The following DPYD variants were observed in gnomAD, a reference collection of about 807,000 sequenced individuals.
The protein encoded by DPYD is dihydropyrimidine dehydrogenase, also known as dihydropyrimidine dehydrogenase [NADP(+)].
A neutral mutation model predicts 116.2 loss-of-function variants in DPYD; 109 were observed. That is an observed-to-expected ratio of 0.94 (90% CI 0.80 to 1.10). The LOEUF (loss-of-function observed/expected upper bound fraction) is 1.10. Ranked by LOEUF, DPYD falls within the 50% of genes least tolerant of loss-of-function variation. The pLI is 0.00. For synonymous variants in DPYD, 440 were observed against 432.0 expected, an observed-to-expected ratio of 1.02 and a Z score of -0.23; for missense variants, 1,302 against 1,254.5, an observed-to-expected ratio of 1.04 and a Z score of -0.57.
At chr1:97,908,856 T>C (rs1353505826) in intron 1 of DPYD, among the ~76,000 whole-genome samples, 7 of 152,090 alleles carry the variant, frequency 4.6e-5, no homozygotes, top group Non-Finnish European at 1.0e-4. Flanking sequence ...TACACTATTA[T>C]GACTTCTTCA....
At chr1:97,212,313 TAAC>T (rs1660087944) in intron 19 of DPYD, among the ~76,000 whole-genome samples, 1 of 152,172 alleles carries the variant, frequency 6.6e-6, no homozygotes, top group Non-Finnish European at 1.5e-5. Flanking sequence ...AATTTTATAA[TAAC>T]AAATATTAGT....
At chr1:97,222,174 A>G (rs898553317) in intron 19 of DPYD, among the ~76,000 whole-genome samples, 23 of 152,156 alleles carry the variant, frequency 1.5e-4, no homozygotes, top group African/African-American at 5.3e-4. Flanking sequence ...ACTCTTTGAA[A>G]AAGAAGTCAG....
intron 12 of DPYD, among the ~76,000 whole-genome samples, chr1:97,530,584 A>AC (rs1432411625): frequency 1.3e-5 from 2 of 152,190 alleles, no homozygotes; most frequent in African/African-American, 4.8e-5. Context: ...GTTGCAGTGA[A>AC]CATGTGGGTG....
At chr1:97,122,828 A>C (rs773328228) in intron 20 of DPYD, among the ~76,000 whole-genome samples, 5 of 152,030 alleles carry the variant, frequency 3.3e-5, no homozygotes, top group Non-Finnish European at 5.9e-5. Flanking sequence ...TTTTTCCTGA[A>C]TATTGACAAT....
At chr1:97,828,077 C>T (rs747828396) in intron 3 of DPYD, 37 bp downstream of exon 3, 1 of 1,584,032 alleles carries the variant, frequency 6.3e-7, no homozygotes, top group South Asian at 1.1e-5. Flanking sequence ...TTTTCTTTAC[C>T]ACATCTGTGA....
chr1:97,187,855 C>T (rs1187373941), intron 20 of DPYD, among the ~76,000 whole-genome samples: 1 of 152,084 alleles, frequency 6.6e-6, no homozygotes, highest in Non-Finnish European at 1.5e-5. Context: ...TACTTTTTGT[C>T]AACTTTGTCA....
At chr1:97,323,392 G>A (rs62644179) in intron 16 of DPYD, among the ~76,000 whole-genome samples, 5,928 of 78,854 alleles carry the variant, frequency 0.075, 840 homozygotes, top group East Asian at 0.19. Context: ...GTACACGTAT[G>A]TATACATATG....
rs151114727 is a variant in DPYD, at chr1:97,577,667, T to C, written c.1129-3697A>G. ...GAGCCTGTCCCAATCATTGAAGGAA[T>C]GCTCTCATCTTAAAGATCCTAAATT... is the stretch of plus-strand genomic sequence containing the variant. On this transcript the variant is annotated intron_variant, in intron 10 of 22. Transcript: ENST00000370192. Among the ~76,000 whole-genome samples the C allele has an allele frequency of 2.1e-3, 316 of 152,282 alleles. 3 individuals are homozygous for C. Among genetic ancestry groups the C allele is most frequent in the African/African-American group, 7.5e-3 (311 of 41,556 alleles).
At chr1:97,387,217 TTA>T (rs1346086955) in intron 14 of DPYD, among the ~76,000 whole-genome samples, 1 of 152,092 alleles carries the variant, frequency 6.6e-6, no homozygotes. Context: ...ATCCTACAGT[TTA>T]TGTTACACAG....
intron 20 of DPYD, among the ~76,000 whole-genome samples, chr1:97,169,408 T>C (rs904186696): frequency 4.6e-5 from 7 of 152,284 alleles, no homozygotes; most frequent in Admixed American, 2.6e-4. Flanking sequence ...CATTTTGTCT[T>C]AGAAGGAGCA....
Position 97,419,909 on chromosome 1 carries a change from A to G in DPYD, c.1905+30150T>C, listed in dbSNP as rs185584606. 446 of 152,336 alleles carry G rather than the reference A, an allele frequency of 2.9e-3. 2 individuals are homozygous for G. The highest frequency in any genetic ancestry group is 0.01 in the African/African-American group (430 of 41,584). The allele number at this position is 152,336 out of a possible 1,614,324, so 9.4% of individuals were successfully genotyped here. On this transcript the variant is annotated intron_variant, in intron 14 of 22. Transcript: ENST00000370192. ...CTACTAACAGATTCTGACAATGCCT[A>G]TTTTCCTTTATTCTCGCATAGTCTT...
chr1:97,304,354 C>T (rs61786354), intron 18 of DPYD, among the ~76,000 whole-genome samples: 27,957 of 151,958 alleles, frequency 0.18, 3,239 homozygotes, highest in Non-Finnish European at 0.27. Flanking sequence ...TCCTCGTCAG[C>T]CTTCTTCTTT....
At chr1:97,389,077 T>A (rs897124448) in intron 14 of DPYD, among the ~76,000 whole-genome samples, 2 of 151,970 alleles carry the variant, frequency 1.3e-5, no homozygotes, top group African/African-American at 4.8e-5. Flanking sequence ...GGGTGTAAGG[T>A]CTCTTACTGA....
intron 12 of DPYD, among the ~76,000 whole-genome samples, chr1:97,529,976 C>A (rs912280694): frequency 6.7e-6 from 1 of 149,654 alleles, no homozygotes; most frequent in Admixed American, 6.7e-5. Context: ...TCCAATATAC[C>A]CAGCATCCCT....
chr1:97,538,751 G>C lies in DPYD; in HGVS notation c.1524+10809C>G, dbSNP rs1015477985. Among the ~76,000 whole-genome samples the C allele has an allele frequency of 2.0e-5, 3 of 152,178 alleles. No individual in the cohort carries two copies. In the East Asian group the frequency reaches 5.8e-4, roughly 29 times the overall value. ...AGCTGAAAAACACTGCAGAGAAACT[G>C]AAGATACTTGTGCTTCATGAGCTTA... On this transcript the variant is annotated intron_variant, in intron 12 of 22. Transcript: ENST00000370192.
chr1:97,209,757 T>C (rs572356523), intron 19 of DPYD, among the ~76,000 whole-genome samples: 78 of 152,286 alleles, frequency 5.1e-4, no homozygotes, highest in Non-Finnish European at 9.3e-4. Flanking sequence ...TGAGGAAATA[T>C]GCTAAATATT....
chr1:97,105,901 A>C (rs1363315179), intron 20 of DPYD, among the ~76,000 whole-genome samples: 5 of 152,150 alleles, frequency 3.3e-5, no homozygotes, highest in Admixed American at 6.6e-5. Context: ...AAGGAAATGA[A>C]GTGAAGGAAC....
chr1:97,080,191 T>C (rs994519975), intron 22 of DPYD, among the ~76,000 whole-genome samples: 9 of 152,202 alleles, frequency 5.9e-5, no homozygotes, highest in African/African-American at 2.2e-4. Context: ...GACTGTGTAC[T>C]ACTTTGAAGT....
intron 13 of DPYD, among the ~76,000 whole-genome samples, chr1:97,453,189 G>C (rs886549961): frequency 3.3e-5 from 5 of 152,072 alleles, no homozygotes; most frequent in Non-Finnish European, 7.4e-5. Context: ...TCTCACTGCA[G>C]CTTCTAAGAC....
Sources: gnomAD v4.1 joint callset for allele counts (sites outside exome capture counted in the v4.1 genomes callset) on GRCh38, gnomAD v4.1.1 for gene constraint, MANE v1.5 for transcripts, NCBI Gene and HGNC (gene_info 2026-07-23, HGNC 2026-07-21) for gene names.